The following PDE2A variants were observed in gnomAD, a reference collection of about 807,000 sequenced individuals.
The protein encoded by PDE2A is phosphodiesterase 2A.
In PDE2A, 53 loss-of-function variants were observed where a neutral mutation model predicts 133.6. The ratio of observed to expected loss-of-function variants is 0.40; its 90% confidence interval spans 0.32 to 0.50. The LOEUF (loss-of-function observed/expected upper bound fraction) is 0.50, where lower values mean the gene tolerates loss of function less well. PDE2A is among the 20% of genes least tolerant of loss of function. PDE2A has a pLI of 0.73. For synonymous variants in PDE2A, 491 were observed against 490.2 expected (o/e 1.00, Z -0.02); for missense variants, 796 against 1,232.4 (o/e 0.65, Z 5.30).
chr11:72,589,479 G>C (rs758195689), intron 11 of PDE2A, among the ~76,000 whole-genome samples: 2 of 152,200 alleles, frequency 1.3e-5, no homozygotes, highest in Non-Finnish European at 2.9e-5. Flanking sequence ...CTCGTCAACA[G>C]ATTCTAGCAG....
At chr11:72,650,091 G>T (rs188268143) in intron 1 of PDE2A, among the ~76,000 whole-genome samples, 2 of 149,220 alleles carry the variant, frequency 1.3e-5, no homozygotes, top group Admixed American at 1.4e-4. Context: ...GTACAATCTC[G>T]ACTCACTGCA....
At chr11:72,616,572 G>A (rs1857485205) in intron 2 of PDE2A, among the ~76,000 whole-genome samples, 5 of 152,362 alleles carry the variant, frequency 3.3e-5, no homozygotes, top group South Asian at 4.1e-4. Context: ...GAAGAGGGGT[G>A]TGGAGGAAGG....
At chr11:72,650,782 C>T (rs952281515) in intron 1 of PDE2A, among the ~76,000 whole-genome samples, 4 of 151,978 alleles carry the variant, frequency 2.6e-5, no homozygotes, top group Non-Finnish European at 5.9e-5. Context: ...CCTGAGGCTG[C>T]CCGGCTTTCC....
intron 2 of PDE2A, among the ~76,000 whole-genome samples, chr11:72,627,529 GC>G (rs986123357): frequency 5.9e-5 from 9 of 152,220 alleles, no homozygotes; most frequent in Non-Finnish European, 2.9e-5. Flanking sequence ...GGCAGGGGGA[GC>G]TGCTGTGTGC....
At chr11:72,630,052 A>C (rs1422239718) in intron 2 of PDE2A, among the ~76,000 whole-genome samples, 2 of 151,666 alleles carry the variant, frequency 1.3e-5, no homozygotes, top group Non-Finnish European at 2.9e-5. Context: ...TCAGCAGCCC[A>C]CCTTGTTTGC....
Position 72,608,755 on chromosome 11 carries a change from G to C in PDE2A, c.145-4C>G, listed in dbSNP as rs1280522542. The C allele has an allele frequency of 6.6e-7, 1 of 1,517,402 alleles. No homozygotes were observed. Among genetic ancestry groups the C allele is most frequent in the Non-Finnish European group, 9.0e-7 (1 of 1,110,656 alleles). The allele number at this position is 1,517,402 out of a possible 1,614,324, so 94.0% of individuals were successfully genotyped here. On this transcript the variant is annotated splice_polypyrimidine_tract_variant and splice_region_variant and intron_variant, in intron 2 of 30. Transcript: ENST00000334456. Reference sequence around the variant, plus strand: ...AGCCCAGACTCAGCAAGGCGTCCTGGAAGAGAGGAGAGGGCAGTGAGAGGC... The same window carrying C: ...AGCCCAGACTCAGCAAGGCGTCCTGCAAGAGAGGAGAGGGCAGTGAGAGGC...
At chr11:72,638,044 C>T (rs1565186738) in intron 2 of PDE2A, among the ~76,000 whole-genome samples, 2 of 152,156 alleles carry the variant, frequency 1.3e-5, no homozygotes, top group Admixed American at 6.5e-5. Context: ...CATTTCCTGT[C>T]TCCTTGCCAG....
intron 2 of PDE2A, among the ~76,000 whole-genome samples, chr11:72,640,414 C>T (rs1010652747): frequency 2.6e-5 from 4 of 151,638 alleles, no homozygotes; most frequent in African/African-American, 9.7e-5. Context: ...CATGCACGCA[C>T]ACACACACAC....
At chr11:72,622,254 A>C (rs1857808784) in intron 2 of PDE2A, among the ~76,000 whole-genome samples, 1 of 152,354 alleles carries the variant, frequency 6.6e-6, no homozygotes, top group African/African-American at 2.4e-5. Context: ...ACCCCTGTAC[A>C]CTGTCCGTGG....
rs553345584 is a variant in PDE2A, at chr11:72,631,054, C to T, written c.144+11200G>A. ...CGCCCCACCCCCTCAAGCCCACCCA[C>T]TTCTCCCTCCACTGAGCTCTCACCT... On this transcript the variant is annotated intron_variant, in intron 2 of 30. Transcript: ENST00000334456. 8.5e-6 allele frequency: 13 copies of T among 1,535,486 alleles called. No homozygotes were observed. The African/African-American group carries it at 1.8e-4, about 21-fold the overall frequency.
chr11:72,585,329 C>T (rs112798775), intron 16 of PDE2A, 42 bp downstream of exon 16: 20,095 of 1,555,616 alleles, frequency 0.013, 165 homozygotes, highest in Middle Eastern at 0.038. Flanking sequence ...GGACTGAAGG[C>T]CACAGCCTCT....
intron 21 of PDE2A, 33 bp downstream of exon 21, chr11:72,582,411 G>T (rs1170534340): frequency 6.2e-7 from 1 of 1,606,652 alleles, no homozygotes; most frequent in Non-Finnish European, 8.5e-7. Context: ...CATACCTTCG[G>T]CCTGGCCAGT....
chr11:72,606,845 C>T (rs1160871967), intron 3 of PDE2A, among the ~76,000 whole-genome samples: 1 of 152,174 alleles, frequency 6.6e-6, no homozygotes, highest in Non-Finnish European at 1.5e-5. Flanking sequence ...TCCGCATGTC[C>T]GTATGTCTCC....
rs2135277921 is a variant in PDE2A at position 72,582,255 on chromosome 11, CAGCCTCT to C, written c.1851+182_1851+188del. 3 of 644,530 alleles carry C rather than the reference CAGCCTCT, an allele frequency of 4.7e-6. No homozygotes were observed. In the East Asian group the frequency reaches 8.2e-5, roughly 18 times the overall value. 39.9% of individuals were successfully genotyped at this position (644,530 alleles called of 1,614,324 possible). On this transcript the variant is annotated intron_variant, in intron 21 of 30. Coordinates refer to ENST00000334456, the MANE Select transcript of PDE2A (RefSeq NM_002599.5). ...GAGCAGCCCTTGGGATCATCCAGTC[CAGCCTCT>C]AGCCCCTGGGCAGGCCCTATGGCTT...
rs1008010868 is a variant in PDE2A at position 72,590,826 on chromosome 11, T to A, written c.550-246A>T. 1.2e-5 allele frequency: 5 copies of A among 416,832 alleles called. No individual in the cohort carries two copies. The Admixed American group carries it at 1.7e-4, about 14-fold the overall frequency. The allele number at this position is 416,832 out of a possible 1,614,324, so 25.8% of individuals were successfully genotyped here. ...AGGGTCTATCTCCATCCCTAGCCCC[T>A]AGATTCTTCCAAGACAAGATGTCAG... On this transcript the variant is annotated intron_variant, in intron 7 of 30. Coordinates refer to ENST00000334456, the MANE Select transcript of PDE2A (RefSeq NM_002599.5). This position sits in a 1 kb window ranked among gnomAD's most constrained non-coding sequence, Gnocchi z 4.8.
intron 2 of PDE2A, among the ~76,000 whole-genome samples, chr11:72,620,968 G>T (rs1429854390): frequency 6.6e-6 from 1 of 152,082 alleles, no homozygotes. Context: ...GGGACCTGGG[G>T]TGCAGGTGTT....
chr11:72,613,478 C>T (rs1379089863), intron 2 of PDE2A, among the ~76,000 whole-genome samples: 3 of 151,934 alleles, frequency 2.0e-5, no homozygotes, highest in Admixed American at 6.6e-5. Context: ...CCCTTCCTTT[C>T]GGGTGGACCT....
In PDE2A at chr11:72,613,388, T is replaced by A. The variant is rs201400662; in HGVS notation, c.145-4637A>T. ...GCCCTCCTCTCTCTCTGGGCCTTGG[T>A]GTCCCCTTCTGTAAAGGGAAGGGTC... On this transcript the variant is annotated intron_variant, in intron 2 of 30. Coordinates refer to ENST00000334456, the MANE Select transcript of PDE2A (RefSeq NM_002599.5). 3.3e-5 allele frequency among the ~76,000 whole-genome samples: 5 copies of A among 152,054 alleles called. No individual in the cohort carries two copies. The East Asian group carries it at 9.7e-4, about 30-fold the overall frequency.
intron 2 of PDE2A, among the ~76,000 whole-genome samples, chr11:72,624,961 C>G (rs1186721524): frequency 6.6e-6 from 1 of 152,250 alleles, no homozygotes; most frequent in African/African-American, 2.4e-5. Flanking sequence ...TGGCATCACC[C>G]TGGGTCCCAC....
Sources: allele counts gnomAD v4.1 joint callset (sites outside exome capture counted in the v4.1 genomes callset), GRCh38; gene constraint gnomAD v4.1.1; non-coding constraint Gnocchi (gnomAD v3.1); transcripts MANE v1.5; gene names NCBI Gene and HGNC (gene_info 2026-07-23, HGNC 2026-07-21).